ATP10B: variants seen among roughly 807,000 people sequenced by gnomAD.
ATP10B encodes phospholipid-transporting ATPase VB.
Under a neutral mutation model 141.2 loss-of-function variants are expected in ATP10B, and 122 were observed. That is an observed-to-expected ratio of 0.86 (90% CI 0.75 to 1.00). The LOEUF (loss-of-function observed/expected upper bound fraction) is 1.00. Ranked by LOEUF, ATP10B falls within the 50% of genes least tolerant of loss-of-function variation. The pLI is 0.00. For synonymous variants in ATP10B, 685 were observed against 692.0 expected (o/e 0.99, Z 0.16); for missense variants, 1,876 against 1,825.3 (o/e 1.03, Z -0.51).
intron 1 of ATP10B, among the ~76,000 whole-genome samples, chr5:160,794,697 C>T (rs1479079919): frequency 6.6e-6 from 1 of 152,208 alleles, no homozygotes; most frequent in East Asian, 1.9e-4. Flanking sequence ...CTCCTTGCCT[C>T]TTAAGGCATT....
chr5:160,615,955 C>G lies in ATP10B; in HGVS notation c.2536G>C (p.Glu846Gln), dbSNP rs780851806. Residue 846 changes from glutamate (E) to glutamine (Q), a missense_variant, in exon 17 of 26, where the codon GAA becomes CAA. By Grantham distance (29) the Glu-to-Gln change is conservative. Coordinates refer to ENST00000327245, the MANE Select transcript of ATP10B (RefSeq NM_025153.3). ...TLCIAKKVVS[E>Q]EDFRRWASFR... ...CTGGCCCATCTCCGGAAGTCCTCTTCGCTTACAACCTATGGGATGGGAAAA... is the reference window on the plus strand; with the variant it reads ...CTGGCCCATCTCCGGAAGTCCTCTTGGCTTACAACCTATGGGATGGGAAAA... 1 of 1,613,422 alleles carries G rather than the reference C, an allele frequency of 6.2e-7. No individual in the cohort carries two copies. The highest frequency in any genetic ancestry group is 1.7e-5 in the Admixed American group (1 of 59,990).
intron 3 of ATP10B, among the ~76,000 whole-genome samples, chr5:160,715,683 G>T (rs1401063969): frequency 2.5e-5 from 2 of 79,518 alleles, no homozygotes; most frequent in African/African-American, 8.8e-5. Context: ...GAAGAATTTA[G>T]CTTGCTTTAT....
chr5:160,651,218 G>T (rs935901282), intron 7 of ATP10B, among the ~76,000 whole-genome samples: 2 of 152,126 alleles, frequency 1.3e-5, no homozygotes, highest in African/African-American at 4.8e-5. Flanking sequence ...TAAATCTCAT[G>T]GGCTGGGATT....
chr5:160,886,903 T>C, the ATP10B span, among the ~76,000 whole-genome samples: 2 of 152,150 alleles, frequency 1.3e-5, no homozygotes, highest in Admixed American at 6.5e-5. Context: ...TCCTTGAAAA[T>C]GCTCCATTAA....
At chr5:160,771,732 C>T (rs1361351339) in intron 2 of ATP10B, among the ~76,000 whole-genome samples, 1 of 152,154 alleles carries the variant, frequency 6.6e-6, no homozygotes, top group Non-Finnish European at 1.5e-5. Context: ...CATGTTGTAC[C>T]TTAGCTCTCT....
Position 160,785,230 on chromosome 5 carries a change from C to T in ATP10B, c.-331+329G>A, listed in dbSNP as rs11135121. ...CCAACAACTTTTTTCTTGTTATTTA[C>T]GCCACCTTGAATCTGTACTTTCTGT... On this transcript the variant is annotated intron_variant, in intron 2 of 25. Transcript: ENST00000327245. Among the ~76,000 whole-genome samples, 51 of 151,976 alleles carry T rather than the reference C, an allele frequency of 3.4e-4. 1 individual carries two copies. The highest frequency in any genetic ancestry group is 1.0e-3 in the African/African-American group (43 of 41,460).
upstream of ATP10B, chr5:160,852,344 C>A (rs950031595): frequency 1.3e-5 from 2 of 152,090 alleles, no homozygotes; most frequent in African/African-American, 4.8e-5. Context: ...AATCAATGAG[C>A]CAGCAATATC....
At chr5:160,688,188 A>C (rs1450011340) in intron 4 of ATP10B, 94 bp from the exon 5 acceptor site, 9 of 1,332,976 alleles carry the variant, frequency 6.8e-6, no homozygotes, top group Non-Finnish European at 9.1e-6. Flanking sequence ...TAGACACTGA[A>C]AGTAGTCTTA....
At chr5:160,814,860 C>A (rs938128547) in intron 1 of ATP10B, among the ~76,000 whole-genome samples, 5 of 152,146 alleles carry the variant, frequency 3.3e-5, no homozygotes, top group African/African-American at 1.2e-4. Context: ...ATTTTTTAAC[C>A]CAGAATTTCA....
Position 160,716,786 on chromosome 5 carries a change from T to G in ATP10B, c.-205+123A>C, listed in dbSNP as rs1765686026. On this transcript the variant is annotated intron_variant, in intron 3 of 25. Coordinates refer to ENST00000327245, the MANE Select transcript of ATP10B (RefSeq NM_025153.3). ...CCCCGTTTTTTCTGTTCCATCATCC[T>G]TAGCTCTGGTTTCCATCATCAAGGT... The G allele has an allele frequency of 7.5e-6, 5 of 667,712 alleles. No homozygotes were observed. The South Asian group carries it at 2.7e-4, about 36-fold the overall frequency. 41.4% of individuals were successfully genotyped at this position (667,712 alleles called of 1,614,324 possible). A position where few individuals can be genotyped will look rare whatever the true frequency, so the allele number is the denominator to read the frequency against.
chr5:160,651,539 T>C (rs1319339132), intron 7 of ATP10B, among the ~76,000 whole-genome samples: 1 of 152,008 alleles, frequency 6.6e-6, no homozygotes, highest in African/African-American at 2.4e-5. Flanking sequence ...TGTTGAAACA[T>C]GTAACATTCC....
At position 160,747,788 on chromosome 5, in the gene ATP10B, T is replaced by C. The variant is rs551376169; in HGVS notation, c.-330-30754A>G. The stretch of plus-strand genomic sequence containing the variant: ...TGTTACAGAGGCCCTAGGAAGCTAA[T>C]ACACAGCGCTGTCATAGCTGTCTTT... On this transcript the variant is annotated intron_variant, in intron 2 of 25. Transcript: ENST00000327245. Among the ~76,000 whole-genome samples the C allele has an allele frequency of 2.0e-5, 3 of 152,318 alleles. No individual in the cohort carries two copies. The East Asian group carries it at 5.8e-4, about 29-fold the overall frequency.
At chr5:160,725,703 C>A (rs953214310) in intron 2 of ATP10B, among the ~76,000 whole-genome samples, 21 of 152,120 alleles carry the variant, frequency 1.4e-4, no homozygotes, top group Non-Finnish European at 2.6e-4. Flanking sequence ...CCTTGGCCTC[C>A]CAAAGTGCTG....
intron 3 of ATP10B, 22 bp downstream of exon 3, chr5:160,716,887 G>A (rs1005403723): frequency 1.3e-5 from 13 of 984,938 alleles, no homozygotes; most frequent in East Asian, 1.1e-4. Flanking sequence ...AAAGAAACGG[G>A]GAAGCAACGC....
chr5:160,771,934 T>A (rs1444305727), intron 2 of ATP10B, among the ~76,000 whole-genome samples: 1 of 152,228 alleles, frequency 6.6e-6, no homozygotes, highest in East Asian at 1.9e-4. Flanking sequence ...CAAAGCAGTT[T>A]ACCTTAAGAC....
intron 25 of ATP10B, among the ~76,000 whole-genome samples, chr5:160,567,334 CAAGG>C (rs1754605789): frequency 6.6e-6 from 1 of 152,178 alleles, no homozygotes; most frequent in South Asian, 2.1e-4. Context: ...ATTTCTTCCT[CAAGG>C]AAGGAAGTGC....
chr5:160,636,329 G>A lies in ATP10B; in HGVS notation c.1001-20C>T. ...TGTGACCTGAGAGGAGGCAAAACCA[G>A]GAATGAGGCTGAATCTCTACTAAGT... On this transcript the variant is annotated intron_variant, in intron 10 of 25. Transcript: ENST00000327245. 6.2e-7 allele frequency: 1 copy of A among 1,609,462 alleles called. No homozygotes were observed. The highest frequency in any genetic ancestry group is 1.7e-5 in the Admixed American group (1 of 59,276).
At chr5:160,693,446 A>ACC (rs1764191699) in intron 3 of ATP10B, among the ~76,000 whole-genome samples, 2 of 147,364 alleles carry the variant, frequency 1.4e-5, no homozygotes, top group South Asian at 4.2e-4. Context: ...ACACACACAC[A>ACC]CACACACACA....
At chr5:160,646,650 G>A (rs1161962906) in intron 8 of ATP10B, among the ~76,000 whole-genome samples, 3 of 152,084 alleles carry the variant, frequency 2.0e-5, no homozygotes, top group Non-Finnish European at 2.9e-5. Flanking sequence ...TTTAATACTG[G>A]GCTAATGAAC....
Sources: gnomAD v4.1 joint callset for allele counts (sites outside exome capture counted in the v4.1 genomes callset) on GRCh38, gnomAD v4.1.1 for gene constraint, MANE v1.5 for transcripts, NCBI Gene and HGNC (gene_info 2026-07-23, HGNC 2026-07-21) for gene names.